Variants in RNF128 observed in about 807,000 individuals in gnomAD.
RNF128 encodes the protein E3 ubiquitin-protein ligase RNF128.
Under a neutral mutation model 26.2 loss-of-function variants are expected in RNF128, and 13 were observed. The observed-to-expected ratio is 0.50, with a 90% CI of 0.32 to 0.79. The LOEUF is 0.79. Among genes scored for constraint, RNF128 ranks in the 30% least tolerant of loss-of-function variants. The probability of loss-of-function intolerance (pLI) is 0.03; values close to 1 mark genes in which losing one functional copy is unlikely to be tolerated. For missense variants in RNF128, 315 were observed against 349.7 expected (o/e 0.90, Z 0.79); for synonymous variants, 149 against 142.5 (o/e 1.05, Z -0.32).
chrX:106,768,201 C>T (rs1327757930), intron 1 of RNF128, among the ~76,000 whole-genome samples: 1 of 111,484 alleles, frequency 9.0e-6, no homozygotes, highest in Non-Finnish European at 1.9e-5. Flanking sequence ...CTCTGCCAGG[C>T]TTTGGTATCA....
intron 1 of RNF128, among the ~76,000 whole-genome samples, chrX:106,748,376 A>G (rs1187357403): frequency 8.9e-6 from 1 of 112,469 alleles, no homozygotes; most frequent in African/African-American, 3.2e-5. Context: ...TCAGCAACAT[A>G]AACAACATAG....
In RNF128 at chrX:106,795,468, A is replaced by C. The variant is rs763021355; in HGVS notation, c.1154-112A>C. On this transcript the variant is annotated intron_variant, in intron 6 of 6. Coordinates refer to ENST00000255499, the MANE Select transcript of RNF128 (RefSeq NM_194463.2). The stretch of plus-strand genomic sequence containing the variant: ...AGAGGTACAGGGAATGAATATGGTA[A>C]TCAGTGTATGTTGAAATTAAATAAG... 9.4e-6 allele frequency: 6 copies of C among 635,966 alleles called. No homozygotes were observed. In the African/African-American group the frequency reaches 1.3e-4, roughly 14 times the overall value. The allele number at this position is 635,966 out of a possible 1,213,427, so 52.4% of individuals were successfully genotyped here.
chrX:106,740,839 T>C (rs1929690306), intron 1 of RNF128, among the ~76,000 whole-genome samples: 1 of 111,881 alleles, frequency 8.9e-6, no homozygotes, highest in Non-Finnish European at 1.9e-5. Context: ...CTCCTTTTTT[T>C]AAACTGCCCG....
intron 2 of RNF128, among the ~76,000 whole-genome samples, chrX:106,783,325 T>C (rs780412597): frequency 2.7e-5 from 3 of 111,909 alleles, no homozygotes; most frequent in East Asian, 5.7e-4. Context: ...CTACAAATAT[T>C]TGTAGCATTT....
chrX:106,742,775 C>G (rs1276106430), intron 1 of RNF128, among the ~76,000 whole-genome samples: 2 of 111,047 alleles, frequency 1.8e-5, no homozygotes, highest in Non-Finnish European at 3.8e-5. Flanking sequence ...TATTCTCTAC[C>G]TCCATGCACT....
chrX:106,744,334 A>G (rs899110237), intron 1 of RNF128, among the ~76,000 whole-genome samples: 14 of 112,060 alleles, frequency 1.2e-4, no homozygotes, highest in Admixed American at 1.1e-3. Flanking sequence ...AGATTCAGCC[A>G]TCTTTTATTA....
At chrX:106,706,399 A>T (rs900296690) in intron 1 of RNF128, among the ~76,000 whole-genome samples, 3 of 112,019 alleles carry the variant, frequency 2.7e-5, no homozygotes. Context: ...AAAAAAACAA[A>T]AAAAAACAAG....
chrX:106,763,761 G>A (rs1930162459), intron 1 of RNF128, among the ~76,000 whole-genome samples: 2 of 110,718 alleles, frequency 1.8e-5, no homozygotes, highest in Admixed American at 9.5e-5. Flanking sequence ...CCGCCTCCTC[G>A]GCCTCCCAAA....
chrX:106,699,817 G>T (rs780605315), intron 1 of RNF128, among the ~76,000 whole-genome samples: 2 of 110,762 alleles, frequency 1.8e-5, no homozygotes, highest in Non-Finnish European at 3.8e-5. Flanking sequence ...CTTTTCCTGC[G>T]TGGGACACTT....
Position 106,726,782 on chromosome X carries a change from A to T in RNF128, c.-132A>T. On this transcript the variant is annotated 5_prime_UTR_variant, in exon 1 of 7. Transcript: ENST00000255499. ...TGACGCTACGTGCCTCCTGGCTCCG[A>T]CGTAGCTCGCAGCTCCCCAGTCTCA... 9.4e-7 allele frequency: 1 copy of T among 1,068,486 alleles called. No homozygotes were observed. Among genetic ancestry groups the T allele is most frequent in the East Asian group, 3.6e-5 (1 of 27,990 alleles). The allele number at this position is 1,068,486 out of a possible 1,213,427, so 88.1% of individuals were successfully genotyped here.
intron 6 of RNF128, among the ~76,000 whole-genome samples, chrX:106,793,228 C>T (rs1930858318): frequency 9.0e-6 from 1 of 110,551 alleles, no homozygotes; most frequent in African/African-American, 3.3e-5. Flanking sequence ...TTTTGAGAAC[C>T]ATTGAATAAG....
chrX:106,732,790 G>C (rs1425561918), intron 1 of RNF128, among the ~76,000 whole-genome samples: 1 of 111,610 alleles, frequency 9.0e-6, no homozygotes, highest in Non-Finnish European at 1.9e-5. Flanking sequence ...TTCATATTGA[G>C]TTTTCCCTGT....
Position 106,727,083 on chromosome X carries a change from G to C in RNF128, c.170G>C (p.Gly57Ala). The part of the protein sequence containing the change: ...LNVSWRVPHT[G>A]VNRTVWELSE... ...GTGTCCTGGCGGGTTCCGCACACGGGAGTGAACCGTACGGTGTGGGAGCTG... is the reference window on the plus strand; with the variant it reads ...GTGTCCTGGCGGGTTCCGCACACGGCAGTGAACCGTACGGTGTGGGAGCTG... The change falls in exon 1 of 7, where the codon GGA (glycine) becomes GCA (alanine). Residue 57 changes from glycine (G) to alanine (A), a missense_variant. Transcript: ENST00000255499. 1 of 1,205,781 alleles carries C rather than the reference G, an allele frequency of 8.3e-7. No individual in the cohort carries two copies. Among genetic ancestry groups the C allele is most frequent in the Non-Finnish European group, 1.1e-6 (1 of 892,752 alleles).
At chrX:106,737,881 A>G (rs1466885102) in intron 1 of RNF128, among the ~76,000 whole-genome samples, 1 of 112,168 alleles carries the variant, frequency 8.9e-6, no homozygotes, top group Non-Finnish European at 1.9e-5. Flanking sequence ...CTGAAACTGG[A>G]TGGTGTGAAA....
At chrX:106,739,116 TCTTC>T (rs957355882) in intron 1 of RNF128, among the ~76,000 whole-genome samples, 7 of 109,816 alleles carry the variant, frequency 6.4e-5, no homozygotes, top group Non-Finnish European at 9.5e-5. Context: ...TCTTCTCTTC[TCTTC>T]CTTCCTTCCT....
At chrX:106,769,459 C>T (rs1157366271) in intron 1 of RNF128, among the ~76,000 whole-genome samples, 1 of 109,834 alleles carries the variant, frequency 9.1e-6, no homozygotes, top group Admixed American at 9.7e-5. Flanking sequence ...ATCCCTTTGC[C>T]ATTATGTAAT....
At chrX:106,781,813 C>T (rs1930569976) in intron 2 of RNF128, among the ~76,000 whole-genome samples, 1 of 111,577 alleles carries the variant, frequency 9.0e-6, no homozygotes, top group African/African-American at 3.3e-5. Flanking sequence ...AATCAAATCT[C>T]TTGTCTAGTG....
intron 1 of RNF128, among the ~76,000 whole-genome samples, chrX:106,769,662 T>C (rs763080663): frequency 9.3e-6 from 1 of 107,549 alleles, no homozygotes; most frequent in African/African-American, 3.4e-5. Context: ...AGCACACTGA[T>C]GGGTCTTGAT....
intron 1 of RNF128, among the ~76,000 whole-genome samples, chrX:106,756,227 A>G (rs1245730096): frequency 9.0e-6 from 1 of 111,507 alleles, no homozygotes; most frequent in African/African-American, 3.3e-5. Context: ...ACAGAATTGG[A>G]AAAAACTACT....
Sources: gnomAD v4.1 joint callset for allele counts (sites outside exome capture counted in the v4.1 genomes callset) on GRCh38, gnomAD v4.1.1 for gene constraint, MANE v1.5 for transcripts, NCBI Gene and HGNC (gene_info 2026-07-23, HGNC 2026-07-21) for gene names.